The following GALNT9 variants were observed in gnomAD, a reference collection of about 807,000 sequenced individuals.
GALNT9 encodes GalNAc transferase 9.
Under a neutral mutation model 63.1 loss-of-function variants are expected in GALNT9, and 47 were observed. That is an observed-to-expected ratio of 0.75 (90% confidence interval 0.59 to 0.95). GALNT9 has a LOEUF of 0.95. GALNT9 is among the 40% of genes least tolerant of loss of function. GALNT9 has a pLI of 0.00. For missense variants in GALNT9, 829 were observed against 874.8 expected (o/e 0.95, Z 0.66); for synonymous variants, 396 against 365.7 (o/e 1.08, Z -0.94).
At chr12:132,213,709 G>A (rs1040643876) in intron 6 of GALNT9, among the ~76,000 whole-genome samples, 4 of 152,362 alleles carry the variant, frequency 2.6e-5, no homozygotes, top group Non-Finnish European at 4.4e-5. Context: ...CCTCATGTCC[G>A]AGGAGGGGTG....
rs1188598836 is a variant in GALNT9, at chr12:132,319,032, G to T, written c.238+9934C>A. Reference sequence around the variant, plus strand: ...GGACTTCGGCAGCGACTCTCTGGGAGGGAGGAGCAGAGACAGACCTGGGTG... The same window carrying T: ...GGACTTCGGCAGCGACTCTCTGGGATGGAGGAGCAGAGACAGACCTGGGTG... On this transcript the variant is annotated intron_variant, in intron 1 of 10. Transcript: ENST00000328957. The surrounding 1 kb of genome is among the most constrained non-coding windows in gnomAD (Gnocchi z 5.2). 6.6e-6 allele frequency among the ~76,000 whole-genome samples: 1 copy of T among 152,230 alleles called. No individual in the cohort carries two copies. Among genetic ancestry groups the T allele is most frequent in the Non-Finnish European group, 1.5e-5 (1 of 68,034 alleles).
intron 4 of GALNT9, among the ~76,000 whole-genome samples, chr12:132,259,665 C>T (rs782478989): frequency 1.1e-4 from 17 of 152,134 alleles, no homozygotes; most frequent in Non-Finnish European, 2.1e-4. Flanking sequence ...AGCCCCAAAA[C>T]GCCAGGTTCC....
chr12:132,259,895 T>C (rs28696065), intron 4 of GALNT9, among the ~76,000 whole-genome samples: 68,105 of 150,630 alleles, frequency 0.45, 15,920 homozygotes, highest in African/African-American at 0.57. Context: ...GTGGGGAAAA[T>C]GTCCTCCCGG....
In GALNT9 at chr12:132,252,450, A is replaced by C. The variant is rs1878958514; in HGVS notation, c.960-4423T>G. ...TTGCATCCACAATGGAAAGAGTGAA[A>C]TGTAGGGTCCAGCCCTACAGGGCTT... On this transcript the variant is annotated intron_variant, in intron 5 of 10. Coordinates refer to ENST00000328957, the MANE Select transcript of GALNT9 (RefSeq NM_001122636.2). The surrounding 1 kb of genome is among the most constrained non-coding windows in gnomAD (Gnocchi z 5.2). Among the ~76,000 whole-genome samples the C allele has an allele frequency of 6.6e-6, 1 of 152,220 alleles. No homozygotes were observed. The highest frequency in any genetic ancestry group is 2.4e-5 in the African/African-American group (1 of 41,456).
intron 6 of GALNT9, among the ~76,000 whole-genome samples, chr12:132,203,915 CTT>C (rs1391483019): frequency 1.3e-5 from 2 of 152,018 alleles, no homozygotes; most frequent in African/African-American, 4.8e-5. Context: ...TCTGGGACTT[CTT>C]TCTCTTGTGC....
At chr12:132,240,615 G>C (rs2136898874) in intron 6 of GALNT9, 3 of 455,378 alleles carry the variant, frequency 6.6e-6, no homozygotes, top group South Asian at 4.7e-5. Context: ...TGGCCCCGGG[G>C]CTCGGCTGTG....
At position 132,196,839 on chromosome 12, in the gene GALNT9, C is replaced by CGTGGA. The variant is rs1875538527; in HGVS notation, c.*263_*267dup. On this transcript the variant is annotated 3_prime_UTR_variant, in exon 11 of 11. Transcript: ENST00000328957. The stretch of plus-strand genomic sequence containing the variant: ...TCCCAGCAGCCTGGCCAGGAGATAC[C>CGTGGA]GTGGAGAAGGCACGTGTTTGAGTTG... 2.4e-6 allele frequency: 3 copies of CGTGGA among 1,276,538 alleles called. No individual in the cohort carries two copies. In the South Asian group the frequency reaches 5.6e-5, roughly 24 times the overall value. 79.1% of individuals were successfully genotyped at this position (1,276,538 alleles called of 1,614,324 possible). A position where few individuals can be genotyped will look rare whatever the true frequency, so the allele number is the denominator to read the frequency against.
chr12:132,255,282 A>G (rs781956454), intron 5 of GALNT9, among the ~76,000 whole-genome samples: 52 of 152,232 alleles, frequency 3.4e-4, no homozygotes, highest in Middle Eastern at 3.2e-3. Flanking sequence ...CCAAAATGAC[A>G]GTTAGCAGGT....
At chr12:132,287,186 T>A (rs1045991000) in intron 1 of GALNT9, among the ~76,000 whole-genome samples, 1 of 150,398 alleles carries the variant, frequency 6.6e-6, no homozygotes, top group Admixed American at 6.6e-5. Context: ...CCTCAGTGAG[T>A]TTCCTGCATC....
chr12:132,221,558 G>T (rs1877449771), intron 6 of GALNT9, among the ~76,000 whole-genome samples: 1 of 150,290 alleles, frequency 6.7e-6, no homozygotes, highest in Non-Finnish European at 1.5e-5. Context: ...GTACTCGGGA[G>T]GCTGAGGCAG....
intron 1 of GALNT9, among the ~76,000 whole-genome samples, chr12:132,287,164 G>A (rs941071162): frequency 6.8e-6 from 1 of 146,006 alleles, no homozygotes; most frequent in East Asian, 2.0e-4. Flanking sequence ...CCAGCCCCCC[G>A]TGAGCCACGG....
At position 132,296,694 on chromosome 12, in the gene GALNT9, T is replaced by G. The variant is rs1434971411; in HGVS notation, c.239-10264A>C. ...ACACACCAACTTTCAGCACCATTCCTCAAATGTGGCAATTCACAAGAAAAG... is the reference window on the plus strand; with the variant it reads ...ACACACCAACTTTCAGCACCATTCCGCAAATGTGGCAATTCACAAGAAAAG... On this transcript the variant is annotated intron_variant, in intron 1 of 10. Transcript: ENST00000328957. The surrounding 1 kb of genome is among the most constrained non-coding windows in gnomAD (Gnocchi z 4.2). Among the ~76,000 whole-genome samples the G allele has an allele frequency of 6.6e-6, 1 of 152,156 alleles. No individual in the cohort carries two copies. Among genetic ancestry groups the G allele is most frequent in the Non-Finnish European group, 1.5e-5 (1 of 68,028 alleles).
intron 6 of GALNT9, among the ~76,000 whole-genome samples, chr12:132,208,823 T>C (rs1876833038): frequency 6.6e-6 from 1 of 152,236 alleles, no homozygotes; most frequent in South Asian, 2.1e-4. Flanking sequence ...CCATCCATGC[T>C]GCTTTGGCAG....
chr12:132,308,649 G>A (rs1881699436), intron 1 of GALNT9, among the ~76,000 whole-genome samples: 1 of 152,174 alleles, frequency 6.6e-6, no homozygotes, highest in Admixed American at 6.5e-5. Context: ...CAAAGAGAGG[G>A]GCCCGGGACC....
Position 132,286,100 on chromosome 12 carries a change from G to A in GALNT9, c.419+150C>T, listed in dbSNP as rs1048394256. The A allele has an allele frequency of 7.0e-5, 74 of 1,062,858 alleles. No homozygotes were observed. Among genetic ancestry groups the A allele is most frequent in the African/African-American group, 6.5e-4 (39 of 60,346 alleles). The allele number at this position is 1,062,858 out of a possible 1,614,324, so 65.8% of individuals were successfully genotyped here. On this transcript the variant is annotated intron_variant, in intron 2 of 10. Coordinates refer to ENST00000328957, the MANE Select transcript of GALNT9 (RefSeq NM_001122636.2). The surrounding 1 kb of genome is among the most constrained non-coding windows in gnomAD (Gnocchi z 7.4). The stretch of plus-strand genomic sequence containing the variant: ...CAGCGTGGGGGGCGGTCACTTCCCC[G>A]GCGGGCGTGGGGGGCGGTCACTTCC...
At chr12:132,211,332 T>C (rs1876948401) in intron 6 of GALNT9, among the ~76,000 whole-genome samples, 1 of 152,154 alleles carries the variant, frequency 6.6e-6, no homozygotes, top group South Asian at 2.1e-4. Context: ...GGCAAAAATG[T>C]GTTGATTGTA....
chr12:132,267,929 GCACACACAC>G (rs1879701192), intron 2 of GALNT9, among the ~76,000 whole-genome samples: 6 of 128,122 alleles, frequency 4.7e-5, no homozygotes, highest in African/African-American at 1.6e-4. Context: ...TCACACACAT[GCACACACAC>G]ACGCACTCAC....
At chr12:132,300,947 G>A (rs1555243789) in intron 1 of GALNT9, among the ~76,000 whole-genome samples, 1 of 152,272 alleles carries the variant, frequency 6.6e-6, no homozygotes, top group Non-Finnish European at 1.5e-5. Context: ...GCCATGGTGG[G>A]GGTGAAGCTT....
In GALNT9 at chr12:132,262,583, G is replaced by A. The variant is rs368469464; in HGVS notation, c.462C>T (p.Ser154=). ...MSYAQDLPQV[S]VVFIFVNEAL... ...CCTCATTGACGAAGATGAAGACCAC[G>A]GAGACCTGGGGCAGGTCCTGGGCGT... Residue 154 remains serine, a synonymous_variant, in exon 3 of 11, where the codon TCC becomes TCT. Coordinates refer to ENST00000328957, the MANE Select transcript of GALNT9 (RefSeq NM_001122636.2). The A allele has an allele frequency of 3.8e-4, 594 of 1,551,276 alleles. 2 individuals carry two copies. The African/African-American group carries it at 5.2e-3, about 14-fold the overall frequency.
Sources: allele counts gnomAD v4.1 joint callset (sites outside exome capture counted in the v4.1 genomes callset), GRCh38; gene constraint gnomAD v4.1.1; non-coding constraint Gnocchi (gnomAD v3.1); transcripts MANE v1.5; gene names NCBI Gene and HGNC (gene_info 2026-07-23, HGNC 2026-07-21).